SLC25A13: variants seen among roughly 807,000 people sequenced by gnomAD.
SLC25A13 encodes electrogenic aspartate/glutamate antiporter SLC25A13, mitochondrial.
SLC25A13 carries 70 observed loss-of-function variants against 85.5 expected under a neutral mutation model. The observed-to-expected ratio is 0.82, with a 90% CI of 0.68 to 1.00. The LOEUF (loss-of-function observed/expected upper bound fraction) is 1.00. Among genes scored for constraint, SLC25A13 ranks in the 50% least tolerant of loss-of-function variants. The pLI, the probability that SLC25A13 is intolerant of heterozygous loss-of-function variation, is 0.00. For synonymous variants in SLC25A13, 259 were observed against 288.7 expected (o/e 0.90, Z 1.04); for missense variants, 765 against 819.8 (o/e 0.93, Z 0.82).
intron 4 of SLC25A13, among the ~76,000 whole-genome samples, chr7:96,230,744 G>C (rs982283756): frequency 6.6e-6 from 1 of 152,178 alleles, no homozygotes; most frequent in African/African-American, 2.4e-5. Context: ...TAATTGGCTA[G>C]CCATATGCAG....
intron 4 of SLC25A13, among the ~76,000 whole-genome samples, chr7:96,218,079 G>A (rs1795967753): frequency 6.6e-6 from 1 of 152,014 alleles, no homozygotes; most frequent in Non-Finnish European, 1.5e-5. Context: ...CATAGTAGGT[G>A]ACCATCAAAA....
intron 11 of SLC25A13, among the ~76,000 whole-genome samples, chr7:96,176,265 A>G (rs1431671689): frequency 6.6e-6 from 1 of 152,226 alleles, no homozygotes; most frequent in Non-Finnish European, 1.5e-5. Context: ...CAGAAAAATC[A>G]GGTTTCTAAT....
chr7:96,143,283 C>T (rs938917554), intron 14 of SLC25A13, among the ~76,000 whole-genome samples: 2 of 152,130 alleles, frequency 1.3e-5, no homozygotes, highest in East Asian at 1.9e-4. Flanking sequence ...ACAGCTCCTA[C>T]GGAAAAGGTA....
At position 96,170,139 on chromosome 7, in the gene SLC25A13, A is replaced by T. The variant is rs770231454; in HGVS notation, c.1231-14T>A. The T allele has an allele frequency of 1.2e-6, 2 of 1,610,172 alleles. No homozygotes were observed. Among genetic ancestry groups the T allele is most frequent in the Admixed American group, 1.7e-5 (1 of 60,026 alleles). On this transcript the variant is annotated splice_polypyrimidine_tract_variant and intron_variant, in intron 12 of 17. Transcript: ENST00000265631. ...AAAATCGTTCACCTTGAAGAAAAAT[A>T]TTTATAGAAGCTGATGAAAAATATA...
intron 13 of SLC25A13, among the ~76,000 whole-genome samples, chr7:96,148,648 C>A (rs1425515687): frequency 6.6e-6 from 1 of 152,132 alleles, no homozygotes; most frequent in African/African-American, 2.4e-5. Context: ...GAAAGATTCA[C>A]CAGGTTGGAA....
intron 15 of SLC25A13, among the ~76,000 whole-genome samples, chr7:96,128,878 C>T (rs1163935825): frequency 1.3e-5 from 2 of 151,590 alleles, no homozygotes; most frequent in African/African-American, 2.4e-5. Context: ...ACATTCACGC[C>T]TCTGCTTCTC....
chr7:96,158,638 C>T lies in SLC25A13; in HGVS notation c.1311+11407G>A, dbSNP rs138719525. 9.9e-4 allele frequency among the ~76,000 whole-genome samples: 150 copies of T among 152,246 alleles called. 1 individual carries two copies. The highest frequency in any genetic ancestry group is 3.9e-3 in the South Asian group (19 of 4,822). On this transcript the variant is annotated intron_variant, in intron 13 of 17. Coordinates refer to ENST00000265631, the MANE Select transcript of SLC25A13 (RefSeq NM_014251.3). ...AATTGCACACTGACATTCTAAAATGCGTGCTTACACGTGTCAAAAATAGAT... is the reference window on the plus strand; with the variant it reads ...AATTGCACACTGACATTCTAAAATGTGTGCTTACACGTGTCAAAAATAGAT...
At chr7:96,207,228 A>T (rs1411877233) in intron 5 of SLC25A13, among the ~76,000 whole-genome samples, 1 of 152,252 alleles carries the variant, frequency 6.6e-6, no homozygotes, top group East Asian at 1.9e-4. Flanking sequence ...GGAAAATAAA[A>T]GCAAACTAGA....
intron 4 of SLC25A13, among the ~76,000 whole-genome samples, chr7:96,214,180 A>G (rs1259058318): frequency 6.6e-6 from 1 of 152,224 alleles, no homozygotes; most frequent in Non-Finnish European, 1.5e-5. Context: ...CTTCCTAAAG[A>G]TAACCTCAAA....
At chr7:96,218,822 T>C (rs1795994093) in intron 4 of SLC25A13, among the ~76,000 whole-genome samples, 1 of 152,188 alleles carries the variant, frequency 6.6e-6, no homozygotes, top group Admixed American at 6.5e-5. Flanking sequence ...CAGCATTTTA[T>C]CTCTGAACAG....
intron 3 of SLC25A13, among the ~76,000 whole-genome samples, chr7:96,261,804 C>T (rs1394795721): frequency 2.0e-5 from 3 of 152,094 alleles, no homozygotes; most frequent in Non-Finnish European, 4.4e-5. Context: ...TTTGGAAGTC[C>T]AAGATCAAGG....
chr7:96,182,613 C>G (rs1794461709), intron 11 of SLC25A13, among the ~76,000 whole-genome samples: 1 of 152,204 alleles, frequency 6.6e-6, no homozygotes, highest in South Asian at 2.1e-4. Flanking sequence ...GTGGAAGCCT[C>G]TTTGCATAGC....
At chr7:96,219,615 G>A in intron 4 of SLC25A13, 1 of 514,168 alleles carries the variant, frequency 1.9e-6, no homozygotes, top group South Asian at 1.5e-5. Context: ...CATTCCCTTG[G>A]AGAGCTTGTT....
chr7:96,126,697 T>A (rs1791742807), intron 15 of SLC25A13, among the ~76,000 whole-genome samples: 1 of 152,208 alleles, frequency 6.6e-6, no homozygotes, highest in South Asian at 2.1e-4. Flanking sequence ...TCAGAGTCAA[T>A]ATGGCTATTT....
intron 17 of SLC25A13, 58 bp downstream of exon 17, chr7:96,121,597 C>T (rs919701201): frequency 2.1e-5 from 32 of 1,536,166 alleles, no homozygotes; most frequent in South Asian, 7.8e-5. Flanking sequence ...CCTTTCCCTA[C>T]GACAACAGAG....
intron 2 of SLC25A13, among the ~76,000 whole-genome samples, chr7:96,293,832 G>A (rs1421446415): frequency 1.3e-5 from 2 of 152,130 alleles, no homozygotes; most frequent in Non-Finnish European, 2.9e-5. Flanking sequence ...ACTGTTGGTG[G>A]GACTGTAAAC....
chr7:96,131,837 G>A lies in SLC25A13; in HGVS notation c.1497C>T (p.Ile499=). The A allele has an allele frequency of 6.2e-7, 1 of 1,614,094 alleles. No individual in the cohort carries two copies. The highest frequency in any genetic ancestry group is 8.5e-7 in the Non-Finnish European group (1 of 1,180,006). ...TCACATGAGCATAGCACGGAAAGTAGATGGCCGAGAAAGGAATGTCCCGCA... is the reference window on the plus strand; with the variant it reads ...TCACATGAGCATAGCACGGAAAGTAAATGGCCGAGAAAGGAATGTCCCGCA... ...CFLRDIPFSA[I]YFPCYAHVKA... Residue 499 remains isoleucine (I), a synonymous_variant, in exon 15 of 18, where the codon ATC becomes ATT. Transcript: ENST00000265631.
intron 3 of SLC25A13, among the ~76,000 whole-genome samples, chr7:96,272,773 AG>A (rs1487492946): frequency 1.3e-5 from 2 of 152,202 alleles, no homozygotes; most frequent in African/African-American, 4.8e-5. Flanking sequence ...GACAAAGAAA[AG>A]GGGGAAGAGG....
chr7:96,250,251 G>A (rs1797363362), intron 3 of SLC25A13, among the ~76,000 whole-genome samples: 1 of 152,060 alleles, frequency 6.6e-6, no homozygotes, highest in Non-Finnish European at 1.5e-5. Context: ...AGAGAAGGTG[G>A]GTTTCAATAT....
Sources: allele counts gnomAD v4.1 joint callset (sites outside exome capture counted in the v4.1 genomes callset), GRCh38; gene constraint gnomAD v4.1.1; transcripts MANE v1.5; gene names NCBI Gene and HGNC (gene_info 2026-07-23, HGNC 2026-07-21).